WFS1: variants seen among roughly 807,000 people sequenced by gnomAD.
WFS1 encodes wolframin.
WFS1 carries 90 observed loss-of-function variants against 68.5 expected under a neutral mutation model. That is an observed-to-expected ratio of 1.31 (90% CI 1.11 to 1.56). The LOEUF (loss-of-function observed/expected upper bound fraction) is 1.56. Among genes scored for constraint, WFS1 ranks in the 40% most tolerant of loss-of-function variants. The probability of loss-of-function intolerance (pLI) is 0.00; values close to 1 mark genes in which losing one functional copy is unlikely to be tolerated. For synonymous variants in WFS1, 860 were observed against 540.7 expected (o/e 1.59, Z -8.19); for missense variants, 1,767 against 1,232.6 (o/e 1.43, Z -6.49).
intron 7 of WFS1, among the ~76,000 whole-genome samples, chr4:6,296,660 G>A (rs2109120651): frequency 6.6e-6 from 1 of 152,364 alleles, no homozygotes; most frequent in East Asian, 1.9e-4. Context: ...GGTTAACTTG[G>A]AGAAGACCCT....
At chr4:6,281,007 T>C (rs961128634) in intron 2 of WFS1, among the ~76,000 whole-genome samples, 13 of 152,206 alleles carry the variant, frequency 8.5e-5, no homozygotes, top group Non-Finnish European at 1.5e-5. Context: ...ACTGTGAGAC[T>C]CTGGGGCAGT....
intron 6 of WFS1, among the ~76,000 whole-genome samples, chr4:6,294,536 G>A (rs1386651125): frequency 1.3e-5 from 2 of 152,164 alleles, no homozygotes; most frequent in African/African-American, 2.4e-5. Flanking sequence ...TTTAGCAGGT[G>A]CACAGTAGGC....
intron 2 of WFS1, among the ~76,000 whole-genome samples, chr4:6,279,295 C>G (rs931092570): frequency 1.3e-5 from 2 of 152,260 alleles, no homozygotes; most frequent in Non-Finnish European, 2.9e-5. Context: ...AGCTATTTAA[C>G]TGACACTTCC....
intron 4 of WFS1, among the ~76,000 whole-genome samples, chr4:6,290,510 C>G (rs1007597581): frequency 6.6e-6 from 1 of 152,246 alleles, no homozygotes; most frequent in African/African-American, 2.4e-5. Context: ...CACACACCTT[C>G]TGATGTGCAG....
At chr4:6,273,056 G>C (rs1163151277) in intron 1 of WFS1, among the ~76,000 whole-genome samples, 2 of 152,262 alleles carry the variant, frequency 1.3e-5, no homozygotes, top group Non-Finnish European at 2.9e-5. Context: ...GCACTGATCA[G>C]AGAGAGTGAA....
At chr4:6,299,630 AG>A (rs1415769021) in intron 7 of WFS1, among the ~76,000 whole-genome samples, 1 of 23,976 alleles carries the variant, frequency 4.2e-5, no homozygotes, top group Non-Finnish European at 7.0e-5. Context: ...GTGTGTGTGT[AG>A]GGGTGGGTTG....
In WFS1 at chr4:6,301,392, C is replaced by G. The variant is rs146132083; in HGVS notation, c.1597C>G (p.Pro533Ala). 1.2e-6 allele frequency: 2 copies of G among 1,612,332 alleles called. No individual in the cohort carries two copies. Among genetic ancestry groups the G allele is most frequent in the Admixed American group, 1.7e-5 (1 of 60,016 alleles). The change falls in exon 8 of 8, where the codon CCC becomes GCC. Residue 533 changes from proline (P) to alanine (A), a missense_variant. Pro to Ala is a conservative substitution (Grantham distance 27). Transcript: ENST00000226760. ...CAAGGGCACCTACTGCTACCTTGTG[C>G]CCTACCTGGTGTGCTTCATGTGGTG... is the stretch of plus-strand genomic sequence containing the variant. ...NFKGTYCYLV[P>A]YLVCFMWCEL...
At chr4:6,289,494 G>A (rs1730404643) in intron 4 of WFS1, among the ~76,000 whole-genome samples, 1 of 152,266 alleles carries the variant, frequency 6.6e-6, no homozygotes, top group Non-Finnish European at 1.5e-5. Flanking sequence ...AGTCAGAGTG[G>A]CCCATGCCCC....
rs1362203159 is a variant in WFS1 at position 6,277,629 on chromosome 4, G to A, written c.174G>A (p.Ala58=). 17 of 1,570,334 alleles carry A rather than the reference G, an allele frequency of 1.1e-5. No individual in the cohort carries two copies. In the East Asian group the frequency reaches 1.6e-4, roughly 15 times the overall value. ...CTGGCCCTGGTGTTAGAGACGCAGC[G>A]GCCCCCGCTGAACCCCAGGCCCAGC... ...AGPGPGVRDA[A]APAEPQAQHT... The change falls in exon 2 of 8, where the codon GCG becomes GCA. Residue 58 remains alanine (A), a synonymous_variant. Coordinates refer to ENST00000226760, the MANE Select transcript of WFS1 (RefSeq NM_006005.3).
intron 6 of WFS1, 75 bp downstream of exon 6, chr4:6,292,072 G>T: frequency 1.4e-6 from 2 of 1,456,902 alleles, no homozygotes; most frequent in Non-Finnish European, 1.9e-6. Flanking sequence ...CTTCCTGTGC[G>T]ACTCCATCCT....
intron 2 of WFS1, among the ~76,000 whole-genome samples, chr4:6,282,935 G>A (rs1169035996): frequency 1.3e-5 from 2 of 152,232 alleles, no homozygotes; most frequent in Non-Finnish European, 2.9e-5. Context: ...TGGAATCCCC[G>A]TCTGCTCCCT....
intron 6 of WFS1, chr4:6,294,655 GC>G (rs1234522490): frequency 3.0e-6 from 1 of 334,284 alleles, no homozygotes; most frequent in Non-Finnish European, 5.9e-6. Context: ...GCTGTGAGAA[GC>G]CCCACGCTGG....
rs1324432474 is a variant in WFS1 at position 6,301,337 on chromosome 4, C to T, written c.1542C>T (p.Leu514=). 12 of 1,612,164 alleles carry T rather than the reference C, an allele frequency of 7.4e-6. No homozygotes were observed. The highest frequency in any genetic ancestry group is 9.3e-6 in the Non-Finnish European group (11 of 1,180,012). ...PCLLYVYLLY[L]FFRMAQLRNF... is the part of the protein sequence containing the mutation. ...TGCTCTATGTCTACCTGCTCTATCTCTTCTTCCGCATGGCACAGCTGAGGA... is the reference window on the plus strand; with the variant it reads ...TGCTCTATGTCTACCTGCTCTATCTTTTCTTCCGCATGGCACAGCTGAGGA... The change falls in exon 8 of 8, where the codon CTC becomes CTT. Residue 514 remains leucine, a synonymous_variant. Coordinates refer to ENST00000226760, the MANE Select transcript of WFS1 (RefSeq NM_006005.3).
intron 6 of WFS1, among the ~76,000 whole-genome samples, chr4:6,293,345 A>T (rs1730522784): frequency 6.6e-6 from 1 of 152,092 alleles, no homozygotes; most frequent in African/African-American, 2.4e-5. Context: ...ACAGGGCCCC[A>T]GCACCCCCAT....
rs201878061 is a variant in WFS1, at chr4:6,301,823, C to T, written c.2028C>T (p.Arg676=). The change falls in exon 8 of 8, where the codon CGC becomes CGT. Residue 676 remains arginine (R), a synonymous_variant. Coordinates refer to ENST00000226760, the MANE Select transcript of WFS1 (RefSeq NM_006005.3). ...WQQYGALCGP[R]AWKETNMART... is the part of the protein sequence containing the mutation. ...AGTATGGTGCGCTGTGCGGGCCACG[C>T]GCCTGGAAGGAGACCAACATGGCGC... The T allele has an allele frequency of 6.8e-5, 110 of 1,613,148 alleles. No individual in the cohort carries two copies. The highest frequency in any genetic ancestry group is 3.3e-4 in the Middle Eastern group (2 of 6,062).
At chr4:6,291,502 G>A in intron 5 of WFS1, 135 bp downstream of exon 5, 5 of 1,221,520 alleles carry the variant, frequency 4.1e-6, no homozygotes, top group Non-Finnish European at 5.8e-6. Context: ...TTCCCTGTGA[G>A]GACAGGGCCC....
At chr4:6,294,008 C>T (rs1730551237) in intron 6 of WFS1, among the ~76,000 whole-genome samples, 3 of 152,140 alleles carry the variant, frequency 2.0e-5, no homozygotes, top group African/African-American at 7.2e-5. Flanking sequence ...TGCCTCATCT[C>T]TTTGCTGCAG....
At chr4:6,284,389 AAAAG>A (rs1394831778) in intron 2 of WFS1, among the ~76,000 whole-genome samples, 3 of 152,154 alleles carry the variant, frequency 2.0e-5, no homozygotes, top group African/African-American at 7.2e-5. Flanking sequence ...ATAATAATAA[AAAAG>A]AGAGAGAGAT....
In WFS1 at chr4:6,300,882, A is replaced by T; in HGVS notation, c.1087A>T (p.Lys363Ter). The change falls in exon 8 of 8, where the codon AAG becomes TAG. Residue 363 changes from lysine (K) to a stop codon, truncating the protein, a stop_gained. Transcript: ENST00000226760. LOFTEE classifies it high-confidence loss of function. ...SFISMVICTL[K>*]VFQDSKAWEN... is the part of the protein sequence containing the mutation. ...CATCTCCATGGTGATCTGCACCCTCAAGGTGTTCCAGGACAGCAAGGCCTG... is the reference window on the plus strand; with the variant it reads ...CATCTCCATGGTGATCTGCACCCTCTAGGTGTTCCAGGACAGCAAGGCCTG... 6.2e-7 allele frequency: 1 copy of T among 1,613,966 alleles called. No homozygotes were observed. Among genetic ancestry groups the T allele is most frequent in the Non-Finnish European group, 8.5e-7 (1 of 1,179,990 alleles).
Sources: gnomAD v4.1 joint callset for allele counts (sites outside exome capture counted in the v4.1 genomes callset) on GRCh38, gnomAD v4.1.1 for gene constraint, MANE v1.5 for transcripts, NCBI Gene and HGNC (gene_info 2026-07-23, HGNC 2026-07-21) for gene names.